The following PANX1 variants were observed in gnomAD, a reference collection of about 807,000 sequenced individuals.
PANX1 encodes the protein pannexin-1.
In PANX1, 30 loss-of-function variants were observed where a neutral mutation model predicts 38.7. The observed-to-expected ratio is 0.78, with a 90% CI of 0.58 to 1.05. The LOEUF is 1.05. Among genes scored for constraint, PANX1 ranks in the 50% least tolerant of loss-of-function variants. PANX1 has a pLI of 0.00. For missense variants in PANX1, 551 were observed against 517.2 expected (o/e 1.07, Z -0.63); for synonymous variants, 230 against 212.2 (o/e 1.08, Z -0.73).
At chr11:94,167,857 G>A (rs1007706900) in intron 2 of PANX1, among the ~76,000 whole-genome samples, 3 of 152,234 alleles carry the variant, frequency 2.0e-5, no homozygotes, top group African/African-American at 7.2e-5. Context: ...AATAAACATG[G>A]AAGAAGGCAG....
intron 1 of PANX1, among the ~76,000 whole-genome samples, chr11:94,152,567 A>G (rs1339366164): frequency 6.6e-6 from 1 of 151,580 alleles, no homozygotes; most frequent in African/African-American, 2.4e-5. Flanking sequence ...CCAGGTGGGG[A>G]CAGGGGATCA....
intron 1 of PANX1, among the ~76,000 whole-genome samples, chr11:94,147,800 CT>C (rs1317187769): frequency 6.6e-6 from 1 of 152,180 alleles, no homozygotes; most frequent in Non-Finnish European, 1.5e-5. Context: ...GAGGGCAGTG[CT>C]GTCTTGACAG....
At chr11:94,157,421 T>C (rs540923793) in intron 2 of PANX1, among the ~76,000 whole-genome samples, 11 of 152,308 alleles carry the variant, frequency 7.2e-5, no homozygotes, top group Middle Eastern at 6.8e-3. Context: ...TTTTTAATGA[T>C]CGCCATTCTA....
Position 94,178,571 on chromosome 11 carries a change from T to C in PANX1, c.524T>C (p.Val175Ala), listed in dbSNP as rs746206853. ...GATGGAGCCTGCTCAGTTCCAGGTG[T>C]TACCGAGAACTTAGGGCAAAGGTAA... ...MRDGACSVPG[V>A]TENLGQSLWE... The change falls in exon 3 of 5, where the codon GTT becomes GCT. Residue 175 changes from valine (V) to alanine (A), a missense_variant. By Grantham distance (64) the Val-to-Ala change is moderately conservative. Coordinates refer to ENST00000227638, the MANE Select transcript of PANX1 (RefSeq NM_015368.4). The C allele has an allele frequency of 6.2e-7, 1 of 1,613,668 alleles. No individual in the cohort carries two copies. The highest frequency in any genetic ancestry group is 2.2e-5 in the East Asian group (1 of 44,860).
At chr11:94,156,248 C>T (rs7947511) in intron 2 of PANX1, among the ~76,000 whole-genome samples, 5 of 151,978 alleles carry the variant, frequency 3.3e-5, no homozygotes, top group African/African-American at 9.7e-5. Flanking sequence ...GCCCATTGCT[C>T]TTCTAGTCAA....
At chr11:94,129,606 C>A in intron 1 of PANX1, 113 bp downstream of exon 1, 2 of 969,488 alleles carry the variant, frequency 2.1e-6, no homozygotes. Flanking sequence ...TGGTCGTGAG[C>A]GTCAGGAAGG....
chr11:94,153,747 G>C (rs918508199), intron 2 of PANX1, 117 bp downstream of exon 2: 8 of 960,964 alleles, frequency 8.3e-6, no homozygotes, highest in Non-Finnish European at 1.2e-5. Context: ...CTGTATCTCA[G>C]ATTGTAAAAC....
intron 2 of PANX1, among the ~76,000 whole-genome samples, chr11:94,173,331 G>T (rs557867208): frequency 1.3e-5 from 2 of 151,690 alleles, no homozygotes; most frequent in African/African-American, 4.9e-5. Context: ...TAACCATACA[G>T]TTGGCTTTGA....
At chr11:94,159,600 T>C (rs918592810) in intron 2 of PANX1, among the ~76,000 whole-genome samples, 25 of 152,126 alleles carry the variant, frequency 1.6e-4, no homozygotes, top group African/African-American at 4.8e-4. Context: ...TTTTATTGCG[T>C]CTATTTGATT....
At chr11:94,141,543 C>G (rs938108669) in intron 1 of PANX1, among the ~76,000 whole-genome samples, 1 of 152,096 alleles carries the variant, frequency 6.6e-6, no homozygotes, top group African/African-American at 2.4e-5. Context: ...TTATGAAATA[C>G]CCCTTCCTTC....
At position 94,178,457 on chromosome 11, in the gene PANX1, C is replaced by G; in HGVS notation, c.410C>G (p.Ser137Ter). 6.2e-7 allele frequency: 1 copy of G among 1,614,090 alleles called. No homozygotes were observed. The highest frequency in any genetic ancestry group is 8.5e-7 in the Non-Finnish European group (1 of 1,179,990). Residue 137 changes from serine (S) to a stop codon, truncating the protein, a stop_gained, in exon 3 of 5, where the codon TCA (serine) becomes TGA (stop). Transcript: ENST00000227638. LOFTEE classifies it high-confidence loss of function. ...TTCGCAGCTGCTCCTCATATTTGCTCAGACTTGAAGTTTATCATGGAAGAA... is the reference window on the plus strand; with the variant it reads ...TTCGCAGCTGCTCCTCATATTTGCTGAGACTTGAAGTTTATCATGGAAGAA... ...WRFAAAPHIC[S>*]DLKFIMEELD...
At chr11:94,179,326 A>AG (rs1200062364) in intron 3 of PANX1, among the ~76,000 whole-genome samples, 1 of 152,196 alleles carries the variant, frequency 6.6e-6, no homozygotes, top group African/African-American at 2.4e-5. Flanking sequence ...ACACATATTT[A>AG]GGATTTACCA....
intron 2 of PANX1, among the ~76,000 whole-genome samples, chr11:94,171,729 A>G (rs1947170097): frequency 1.3e-5 from 2 of 151,290 alleles, no homozygotes; most frequent in Non-Finnish European, 2.9e-5. Context: ...CAATGGTGTC[A>G]TTTTTCTCCA....
At position 94,179,997 on chromosome 11, in the gene PANX1, C is replaced by G; in HGVS notation, c.941C>G (p.Thr314Ser). The G allele has an allele frequency of 6.3e-7, 1 of 1,595,684 alleles. No individual in the cohort carries two copies. Among genetic ancestry groups the G allele is most frequent in the Non-Finnish European group, 8.6e-7 (1 of 1,167,954 alleles). Residue 314 changes from threonine to serine, a missense_variant, in exon 4 of 5, where the codon ACT becomes AGT. Coordinates refer to ENST00000227638, the MANE Select transcript of PANX1 (RefSeq NM_015368.4). ...CTCAAAGTGTACGAAATCCTCCCCA[C>G]TTTTGATGTTCTGCATTTCAAATCT... ...DVLKVYEILP[T>S]FDVLHFKSEG...
chr11:94,175,386 T>C lies in PANX1; in HGVS notation c.322-2983T>C, dbSNP rs936977285. Reference sequence around the variant, plus strand: ...GGAAATTTACACCCTATATGTAATTTGTTTTTCTAATTACAATGAGCTGTG... The same window carrying C: ...GGAAATTTACACCCTATATGTAATTCGTTTTTCTAATTACAATGAGCTGTG... On this transcript the variant is annotated intron_variant, in intron 2 of 4. Coordinates refer to ENST00000227638, the MANE Select transcript of PANX1 (RefSeq NM_015368.4). Among the ~76,000 whole-genome samples, 26 of 151,878 alleles carry C rather than the reference T, an allele frequency of 1.7e-4. 1 individual carries two copies. The highest frequency in any genetic ancestry group is 6.3e-4 in the African/African-American group (26 of 41,126).
At chr11:94,152,399 C>T (rs762008047) in intron 1 of PANX1, among the ~76,000 whole-genome samples, 1 of 152,184 alleles carries the variant, frequency 6.6e-6, no homozygotes. Flanking sequence ...CTGTGACTCA[C>T]CCTGCTGAGA....
At chr11:94,179,488 A>G (rs978509860) in intron 3 of PANX1, 114 bp from the exon 4 acceptor site, 10 of 679,458 alleles carry the variant, frequency 1.5e-5, no homozygotes, top group African/African-American at 5.5e-5. Context: ...GTTGTAGGTA[A>G]AGAAGTATGG....
intron 1 of PANX1, among the ~76,000 whole-genome samples, chr11:94,137,368 G>A (rs937826121): frequency 2.0e-5 from 3 of 152,142 alleles, no homozygotes; most frequent in Non-Finnish European, 4.4e-5. Flanking sequence ...CTCTAGGTTT[G>A]GATTAGCAAC....
At chr11:94,141,937 T>G (rs1302902706) in intron 1 of PANX1, among the ~76,000 whole-genome samples, 2 of 152,186 alleles carry the variant, frequency 1.3e-5, no homozygotes, top group East Asian at 1.9e-4. Flanking sequence ...GGTTAGCTGC[T>G]AAACATCCCC....
Sources: gnomAD v4.1 joint callset for allele counts (sites outside exome capture counted in the v4.1 genomes callset) on GRCh38, gnomAD v4.1.1 for gene constraint, MANE v1.5 for transcripts, NCBI Gene and HGNC (gene_info 2026-07-23, HGNC 2026-07-21) for gene names.